The following RUBCN variants were observed in gnomAD, a reference collection of about 807,000 sequenced individuals.
RUBCN encodes the protein rubicon autophagy regulator, also known as run domain Beclin-1-interacting and cysteine-rich domain-containing protein.
In RUBCN, 74 loss-of-function variants were observed where a neutral mutation model predicts 113.2. The ratio of observed to expected loss-of-function variants is 0.65; its 90% confidence interval spans 0.54 to 0.79. RUBCN has a LOEUF of 0.79. Ranked by LOEUF, RUBCN falls within the 30% of genes least tolerant of loss-of-function variation. The pLI is 0.00. For missense variants in RUBCN, 1,109 were observed against 1,251.7 expected (o/e 0.89, Z 1.72); for synonymous variants, 480 against 490.0 (o/e 0.98, Z 0.27).
intron 1 of RUBCN, among the ~76,000 whole-genome samples, chr3:197,731,755 C>G (rs1727515453): frequency 6.8e-6 from 1 of 147,696 alleles, no homozygotes. Flanking sequence ...GGGGGCTGAC[C>G]CCCCCACCTC....
intron 11 of RUBCN, among the ~76,000 whole-genome samples, chr3:197,689,144 G>A (rs1186887506): frequency 6.6e-6 from 1 of 151,338 alleles, no homozygotes; most frequent in Non-Finnish European, 1.5e-5. Context: ...TCCCACCTCA[G>A]CCTCCAGAGT....
chr3:197,676,145 T>C (rs915062070), intron 18 of RUBCN: 2 of 982,442 alleles, frequency 2.0e-6, no homozygotes, highest in Non-Finnish European at 2.4e-6. Context: ...AATTACCCCA[T>C]CAACCCTCAA....
chr3:197,739,623 C>T (rs988397430), upstream of RUBCN, among the ~76,000 whole-genome samples: 8 of 152,004 alleles, frequency 5.3e-5, no homozygotes, highest in Non-Finnish European at 7.4e-5. Flanking sequence ...GTGATGAACC[C>T]GGGAGGCGGA....
At chr3:197,730,779 CA>C (rs1003321695) in intron 1 of RUBCN, among the ~76,000 whole-genome samples, 2 of 150,448 alleles carry the variant, frequency 1.3e-5, no homozygotes, top group African/African-American at 4.9e-5. Context: ...GTGCTAGAAG[CA>C]AGGAGCCAGC....
chr3:197,733,962 A>T (rs1204770906), intron 1 of RUBCN, among the ~76,000 whole-genome samples: 1 of 152,182 alleles, frequency 6.6e-6, no homozygotes, highest in East Asian at 1.9e-4. Flanking sequence ...GAGTATTAAA[A>T]GTACAGACTC....
At chr3:197,735,064 C>T (rs1370656545) in intron 1 of RUBCN, among the ~76,000 whole-genome samples, 5 of 152,198 alleles carry the variant, frequency 3.3e-5, no homozygotes, top group African/African-American at 1.2e-4. Flanking sequence ...CCAGCTGCTC[C>T]TGAGACCATC....
At position 197,675,430 on chromosome 3, in the gene RUBCN, G is replaced by T. The variant is rs1459089406; in HGVS notation, c.2732C>A (p.Thr911Asn). The T allele has an allele frequency of 1.2e-6, 2 of 1,613,320 alleles. No homozygotes were observed. The highest frequency in any genetic ancestry group is 8.5e-7 in the Non-Finnish European group (1 of 1,179,466). The change falls in exon 19 of 20, where the codon ACC (threonine) becomes AAC (asparagine). Residue 911 changes from threonine to asparagine, a missense_variant. This residue lies in a region of RUBCN where 306 missense variants were observed against 348.9 expected (regional missense o/e 0.88). Coordinates refer to ENST00000296343, the MANE Select transcript of RUBCN (RefSeq NM_014687.4). This position sits in a 1 kb window ranked among gnomAD's most constrained non-coding sequence, Gnocchi z 4.4. ...IFPFELHKCR[T>N]CEECKACYHK... Reference sequence around the variant, plus strand: ...CCTGCACCTGCCCTCACCTTCACAGGTCCGGCACTTATGGAGCTCAAAGGG... The same window carrying T: ...CCTGCACCTGCCCTCACCTTCACAGTTCCGGCACTTATGGAGCTCAAAGGG...
At chr3:197,699,222 C>T (rs1170222749) in intron 7 of RUBCN, 1 of 1,549,456 alleles carries the variant, frequency 6.5e-7, no homozygotes, top group East Asian at 2.4e-5. Context: ...GGTGATATTC[C>T]TGGGGCCTCC....
intron 1 of RUBCN, among the ~76,000 whole-genome samples, chr3:197,730,973 T>C (rs1727381833): frequency 6.6e-6 from 1 of 150,396 alleles, no homozygotes; most frequent in African/African-American, 2.5e-5. Context: ...CGGGCATTAT[T>C]ATGTGTTAAC....
intron 2 of RUBCN, among the ~76,000 whole-genome samples, chr3:197,706,855 A>C (rs1560443123): frequency 6.6e-6 from 1 of 152,210 alleles, no homozygotes; most frequent in Non-Finnish European, 1.5e-5. Flanking sequence ...CGAGGGTAGA[A>C]GTGAGAACCG....
At chr3:197,722,473 G>C (rs1248174082) in intron 1 of RUBCN, among the ~76,000 whole-genome samples, 1 of 151,776 alleles carries the variant, frequency 6.6e-6, no homozygotes, top group African/African-American at 2.4e-5. Flanking sequence ...TTGATTTTCT[G>C]TCTGCATGAT....
chr3:197,700,734 C>T lies in RUBCN; in HGVS notation c.1140G>A (p.Leu380=), dbSNP rs760139888. ...GDQEGGGESQ[L]SSVLRRSSFS... ...AGCTGGACCTGCGGAGGACACTGGA[C>T]AGCTGGCTCTCCCCACCTCCTTCCT... The change falls in exon 7 of 20, where the codon CTG becomes CTA. Residue 380 remains leucine, a synonymous_variant. Coordinates refer to ENST00000296343, the MANE Select transcript of RUBCN (RefSeq NM_014687.4). 2.5e-6 allele frequency: 4 copies of T among 1,614,106 alleles called. No homozygotes were observed. The African/African-American group carries it at 4.0e-5, about 16-fold the overall frequency.
intron 2 of RUBCN, among the ~76,000 whole-genome samples, chr3:197,712,061 T>A (rs1431484841): frequency 6.6e-6 from 1 of 152,160 alleles, no homozygotes; most frequent in Non-Finnish European, 1.5e-5. Flanking sequence ...AGAGGTCTTT[T>A]TTTCATTATT....
chr3:197,676,640 G>C (rs996639701), intron 18 of RUBCN: 1 of 1,382,616 alleles, frequency 7.2e-7, no homozygotes, highest in Non-Finnish European at 9.4e-7. Flanking sequence ...AGTCTACTCG[G>C]TCTTGCCCGG....
At position 197,700,877 on chromosome 3, in the gene RUBCN, G is replaced by A. The variant is rs376125443; in HGVS notation, c.997C>T (p.Arg333Ter). The A allele has an allele frequency of 7.4e-6, 12 of 1,614,074 alleles. No homozygotes were observed. Among genetic ancestry groups the A allele is most frequent in the Non-Finnish European group, 8.5e-6 (10 of 1,180,034 alleles). Residue 333 changes from arginine to a stop codon, truncating the protein, a stop_gained, in exon 7 of 20, where the codon CGA (arginine) becomes TGA (stop). Transcript: ENST00000296343. LOFTEE classifies it high-confidence loss of function. Reference protein sequence around the residue: ...EYLAIGNLDPRGRTASCQSHS... With the variant: ...EYLAIGNLDP Reference sequence around the variant, plus strand: ...CTCTGACAGCTGGCAGTCCGGCCTCGGGGGTCCAAGTTGCCAATGGCCAGG... The same window carrying A: ...CTCTGACAGCTGGCAGTCCGGCCTCAGGGGTCCAAGTTGCCAATGGCCAGG...
At chr3:197,715,879 T>A (rs985902364) in intron 2 of RUBCN, among the ~76,000 whole-genome samples, 1 of 152,202 alleles carries the variant, frequency 6.6e-6, no homozygotes, top group Non-Finnish European at 1.5e-5. Context: ...TTTCTTCCCA[T>A]TATTAATTTG....
intron 1 of RUBCN, among the ~76,000 whole-genome samples, chr3:197,723,990 C>T (rs956317558): frequency 5.3e-5 from 8 of 152,112 alleles, no homozygotes; most frequent in South Asian, 2.1e-4. Context: ...CCCAGCTACT[C>T]GAGAGGCTGA....
rs907571060 is a variant in RUBCN, at chr3:197,681,419, C to G, written c.2192-52G>C. Reference sequence around the variant, plus strand: ...CAGATGTAACTTTCCCATCTACAAGCTGGGAAGGCAGCTCTGCTTTTCCCT... The same window carrying G: ...CAGATGTAACTTTCCCATCTACAAGGTGGGAAGGCAGCTCTGCTTTTCCCT... On this transcript the variant is annotated intron_variant, in intron 15 of 19. Coordinates refer to ENST00000296343, the MANE Select transcript of RUBCN (RefSeq NM_014687.4). This position sits in a 1 kb window ranked among gnomAD's most constrained non-coding sequence, Gnocchi z 5.5. The G allele has an allele frequency of 9.4e-6, 13 of 1,381,626 alleles. No individual in the cohort carries two copies. The highest frequency in any genetic ancestry group is 1.3e-5 in the Non-Finnish European group (13 of 970,086). 85.6% of individuals were successfully genotyped at this position (1,381,626 alleles called of 1,614,324 possible). A position where few individuals can be genotyped will look rare whatever the true frequency, so the allele number is the denominator to read the frequency against.
At chr3:197,748,280 TGAGA>T (rs1728843743) in intron 1 of RUBCN, 1 of 151,940 alleles carries the variant, frequency 6.6e-6, no homozygotes, top group African/African-American at 2.4e-5. Context: ...GGCTTCAGGG[TGAGA>T]GAGTAGTAAA....
Sources: allele counts gnomAD v4.1 joint callset (sites outside exome capture counted in the v4.1 genomes callset), GRCh38; gene constraint gnomAD v4.1.1; regional missense constraint gnomAD v4.1.1; non-coding constraint Gnocchi (gnomAD v3.1); transcripts MANE v1.5; gene names NCBI Gene and HGNC (gene_info 2026-07-23, HGNC 2026-07-21).